SUMF1: variants seen among roughly 807,000 people sequenced by gnomAD.
SUMF1 encodes sulfatase modifying factor 1, also known as formylglycine-generating enzyme.
Under a neutral mutation model 47.6 loss-of-function variants are expected in SUMF1, and 48 were observed. The observed-to-expected ratio is 1.01, with a 90% CI of 0.80 to 1.28. SUMF1 has a LOEUF of 1.28. Ranked by LOEUF, SUMF1 falls within the 50% of genes most tolerant of loss-of-function variation. The probability of loss-of-function intolerance (pLI) is 0.00; values close to 1 mark genes in which losing one functional copy is unlikely to be tolerated. For missense variants in SUMF1, 571 were observed against 485.4 expected (o/e 1.18, Z -1.66); for synonymous variants, 230 against 192.1 (o/e 1.20, Z -1.63).
At chr3:4,075,792 G>T (rs1296878296) in intron 8 of SUMF1, among the ~76,000 whole-genome samples, 1 of 152,002 alleles carries the variant, frequency 6.6e-6, no homozygotes, top group South Asian at 2.1e-4. Context: ...GAATGTGAAG[G>T]ACCCCTTCAA....
At chr3:4,068,975 T>C (rs1695449869) in intron 8 of SUMF1, among the ~76,000 whole-genome samples, 3 of 152,140 alleles carry the variant, frequency 2.0e-5, no homozygotes, top group Admixed American at 1.3e-4. Flanking sequence ...GCCTGAACCC[T>C]TTTATGAAAA....
chr3:4,306,153 T>C (rs139293467), intron 8 of SUMF1, among the ~76,000 whole-genome samples: 149 of 152,350 alleles, frequency 9.8e-4, no homozygotes, highest in East Asian at 4.4e-3. Flanking sequence ...CGTGTGTGTG[T>C]GCGTTTGAGA....
At chr3:4,273,623 A>T (rs1032464700) in intron 8 of SUMF1, among the ~76,000 whole-genome samples, 3 of 151,500 alleles carry the variant, frequency 2.0e-5, no homozygotes, top group African/African-American at 7.3e-5. Context: ...TCTTTTAACT[A>T]TATACTTAAA....
chr3:4,247,064 C>A (rs1401837485), intron 8 of SUMF1, among the ~76,000 whole-genome samples: 1 of 152,036 alleles, frequency 6.6e-6, no homozygotes, highest in Non-Finnish European at 1.5e-5. Flanking sequence ...TAATTTCTAC[C>A]CTGTCACTTA....
At position 4,292,023 on chromosome 3, in the gene SUMF1, G is replaced by A. The variant is rs78626019; in HGVS notation, c.1014+84307C>T. Among the ~76,000 whole-genome samples, 8 of 152,104 alleles carry A rather than the reference G, an allele frequency of 5.3e-5. No individual in the cohort carries two copies. The East Asian group carries it at 9.6e-4, about 18-fold the overall frequency. On this transcript the variant is annotated intron_variant and NMD_transcript_variant, in intron 8 of 12. Transcript: ENST00000448413. ...TGAGGATCAGCCAATAGCTTCATTC[G>A]CTCACTAAAAAGTACAACCAAAGAT...
intron 8 of SUMF1, among the ~76,000 whole-genome samples, chr3:4,146,258 G>A (rs554022895): frequency 6.6e-6 from 1 of 152,176 alleles, no homozygotes; most frequent in East Asian, 1.9e-4. Context: ...TGATTAAAAC[G>A]TGCAGAAATG....
intron 9 of SUMF1, among the ~76,000 whole-genome samples, chr3:4,063,498 T>TG (rs1695313556): frequency 6.6e-6 from 1 of 152,122 alleles, no homozygotes; most frequent in East Asian, 1.9e-4. Flanking sequence ...CCGTCAGGCA[T>TG]GCTCACAGCT....
intron 8 of SUMF1, among the ~76,000 whole-genome samples, chr3:4,321,618 AAAAC>A (rs1248073092): frequency 6.6e-6 from 1 of 152,154 alleles, no homozygotes; most frequent in Non-Finnish European, 1.5e-5. Flanking sequence ...ACTGGATTAT[AAAAC>A]AAAATATAAA....
chr3:4,067,244 A>G (rs724377), intron 9 of SUMF1, among the ~76,000 whole-genome samples: 36,360 of 152,084 alleles, frequency 0.24, 5,219 homozygotes, highest in Middle Eastern at 0.31. Flanking sequence ...TCAGTAAGAC[A>G]GGCCACTCTC....
intron 8 of SUMF1, among the ~76,000 whole-genome samples, chr3:4,319,472 G>T (rs1361265846): frequency 6.6e-6 from 1 of 152,008 alleles, no homozygotes; most frequent in East Asian, 1.9e-4. Flanking sequence ...TGAATGAGGG[G>T]GTCTGGCATC....
intron 8 of SUMF1, chr3:4,316,473 A>G (rs1468255026): frequency 1.2e-6 from 2 of 1,604,302 alleles, no homozygotes; most frequent in Non-Finnish European, 1.7e-6. Flanking sequence ...TCCCCTTACA[A>G]CTACACGAGA....
rs547607400 is a variant in SUMF1 at position 4,293,629 on chromosome 3, C to T, written c.1014+82701G>A. On this transcript the variant is annotated intron_variant and NMD_transcript_variant, in intron 8 of 12. Transcript: ENST00000448413. ...TTAGTAAAATTATAGTAATAACATT[C>T]GAATGTCACAAAGCAGAAATTTCAG... Among the ~76,000 whole-genome samples, 374 of 152,224 alleles carry T rather than the reference C, an allele frequency of 2.5e-3. 2 individuals are homozygous for T. The highest frequency in any genetic ancestry group is 2.8e-3 in the Non-Finnish European group (191 of 68,014).
At chr3:4,356,603 C>T (rs1699624251), downstream of SUMF1, among the ~76,000 whole-genome samples, 2 of 151,346 alleles carry the variant, frequency 1.3e-5, no homozygotes, top group African/African-American at 2.4e-5. Context: ...CTCTGTGAAA[C>T]GTATCAACTC....
At chr3:4,138,788 G>A (rs188027753) in intron 8 of SUMF1, among the ~76,000 whole-genome samples, 7 of 152,016 alleles carry the variant, frequency 4.6e-5, no homozygotes, top group East Asian at 1.9e-4. Flanking sequence ...TGGTTATAGC[G>A]AGTATAGCAC....
chr3:4,312,987 C>T, intron 8 of SUMF1: 2 of 1,613,990 alleles, frequency 1.2e-6, no homozygotes, highest in Non-Finnish European at 8.5e-7. Context: ...AAACTCCCTG[C>T]CTCCCTGGCA....
intron 8 of SUMF1, among the ~76,000 whole-genome samples, chr3:4,239,433 G>A (rs1018572532): frequency 1.3e-5 from 2 of 152,084 alleles, no homozygotes; most frequent in East Asian, 1.9e-4. Flanking sequence ...ATTTGTTTGT[G>A]TTCTCTCTTA....
At chr3:4,430,899 G>A (rs548968862) in intron 3 of SUMF1, among the ~76,000 whole-genome samples, 1 of 152,208 alleles carries the variant, frequency 6.6e-6, no homozygotes, top group Admixed American at 6.5e-5. Flanking sequence ...TGTATTACAG[G>A]TGTACTTGAA....
chr3:4,286,531 G>A (rs1697636369), intron 8 of SUMF1, among the ~76,000 whole-genome samples: 1 of 152,124 alleles, frequency 6.6e-6, no homozygotes, highest in Non-Finnish European at 1.5e-5. Flanking sequence ...ACAAAATGAT[G>A]AGTAAAATGG....
chr3:4,455,916 C>A (rs1031321865), intron 1 of SUMF1, among the ~76,000 whole-genome samples: 1 of 151,760 alleles, frequency 6.6e-6, no homozygotes, highest in Admixed American at 6.6e-5. Context: ...AAGAATACTA[C>A]TAGAAGAAAA....
Sources: allele counts gnomAD v4.1 joint callset (sites outside exome capture counted in the v4.1 genomes callset), GRCh38; gene constraint gnomAD v4.1.1; transcripts MANE v1.5; gene names NCBI Gene and HGNC (gene_info 2026-07-23, HGNC 2026-07-21).